Variants in CCDC192 observed in about 807,000 individuals in gnomAD.
CCDC192 encodes coiled-coil domain containing 192.
intron 1 of CCDC192, among the ~76,000 whole-genome samples, chr5:127,705,753 TAAG>T (rs1255183747): frequency 2.0e-5 from 3 of 152,012 alleles, no homozygotes; most frequent in Admixed American, 2.0e-4. Context: ...AGGAAACAAC[TAAG>T]AAGAGGATAA....
chr5:127,721,116 G>A (rs566457673), intron 2 of CCDC192, among the ~76,000 whole-genome samples: 3 of 152,162 alleles, frequency 2.0e-5, no homozygotes, highest in Non-Finnish European at 4.4e-5. Flanking sequence ...CCCGGAAAAC[G>A]GGTTTTTCTT....
chr5:127,906,891 T>C (rs576394721), intron 6 of CCDC192, among the ~76,000 whole-genome samples: 1 of 152,358 alleles, frequency 6.6e-6, no homozygotes, highest in South Asian at 2.1e-4. Flanking sequence ...TTGTTCTGTT[T>C]AATTTTTGAG....
chr5:127,859,814 C>G (rs1314252109), intron 5 of CCDC192, among the ~76,000 whole-genome samples: 3 of 152,166 alleles, frequency 2.0e-5, no homozygotes, highest in Admixed American at 2.0e-4. Context: ...TTTACTAAGT[C>G]TCTTGTCGGC....
At chr5:127,892,251 G>C (rs185908139) in intron 6 of CCDC192, among the ~76,000 whole-genome samples, 3 of 152,168 alleles carry the variant, frequency 2.0e-5, no homozygotes, top group African/African-American at 7.2e-5. Context: ...TAAAATTAGA[G>C]ACTAAACATC....
At chr5:127,793,268 A>G (rs1452279317) in intron 3 of CCDC192, among the ~76,000 whole-genome samples, 6 of 152,346 alleles carry the variant, frequency 3.9e-5, no homozygotes, top group Non-Finnish European at 7.3e-5. Flanking sequence ...TAAGCTGAAC[A>G]TGAGTTAAAT....
intron 5 of CCDC192, among the ~76,000 whole-genome samples, chr5:127,861,860 G>A (rs1295989421): frequency 6.6e-6 from 1 of 152,098 alleles, no homozygotes; most frequent in African/African-American, 2.4e-5. Context: ...GTTAGGAAAA[G>A]GACTTAGATT....
chr5:127,727,165 G>A (rs1752374527), intron 2 of CCDC192, among the ~76,000 whole-genome samples: 1 of 152,100 alleles, frequency 6.6e-6, no homozygotes, highest in African/African-American at 2.4e-5. Context: ...TACGGAAGAG[G>A]GGCCTGACTG....
chr5:127,847,319 C>A (rs1169058825), intron 5 of CCDC192, among the ~76,000 whole-genome samples: 4 of 152,200 alleles, frequency 2.6e-5, no homozygotes, highest in Non-Finnish European at 5.9e-5. Flanking sequence ...ATTAACTCAT[C>A]TTCCAAGAAG....
chr5:127,916,795 A>C (rs1159245401), intron 6 of CCDC192, among the ~76,000 whole-genome samples: 2 of 152,238 alleles, frequency 1.3e-5, no homozygotes, highest in African/African-American at 4.8e-5. Flanking sequence ...TCTAGAGCAC[A>C]GGGAGAGTAG....
chr5:127,886,659 T>C (rs1752570084), intron 6 of CCDC192, among the ~76,000 whole-genome samples: 1 of 152,236 alleles, frequency 6.6e-6, no homozygotes, highest in Non-Finnish European at 1.5e-5. Context: ...ACATAAAATT[T>C]GTGTTAACCA....
intron 1 of CCDC192, among the ~76,000 whole-genome samples, chr5:127,705,077 A>C (rs977156047): frequency 6.6e-6 from 1 of 152,222 alleles, no homozygotes; most frequent in African/African-American, 2.4e-5. Context: ...CCAGGTTTCC[A>C]GTGAACCCTG....
At chr5:127,710,173 G>A (rs1327905838) in intron 2 of CCDC192, among the ~76,000 whole-genome samples, 1 of 152,014 alleles carries the variant, frequency 6.6e-6, no homozygotes, top group Non-Finnish European at 1.5e-5. Context: ...TTAGCTGGAG[G>A]GAGTTGGGAT....
intron 5 of CCDC192, among the ~76,000 whole-genome samples, chr5:127,827,143 G>C (rs1303074767): frequency 6.6e-6 from 1 of 152,158 alleles, no homozygotes; most frequent in African/African-American, 2.4e-5. Context: ...CATTTGTAGG[G>C]CTGTCTGGGC....
chr5:127,736,631 T>C (rs963920934), intron 2 of CCDC192, among the ~76,000 whole-genome samples: 2 of 151,888 alleles, frequency 1.3e-5, no homozygotes, highest in African/African-American at 4.9e-5. Flanking sequence ...TATTCAGAGA[T>C]TCAGCTTCTT....
chr5:127,742,150 G>T (rs930928430), intron 2 of CCDC192, among the ~76,000 whole-genome samples: 8 of 152,072 alleles, frequency 5.3e-5, no homozygotes, highest in Non-Finnish European at 1.0e-4. Flanking sequence ...AATATTTTTT[G>T]AACTTAAATG....
At chr5:127,715,915 G>A (rs1751598885) in intron 2 of CCDC192, among the ~76,000 whole-genome samples, 1 of 152,094 alleles carries the variant, frequency 6.6e-6, no homozygotes, top group Non-Finnish European at 1.5e-5. Context: ...GTTTTGACTA[G>A]GGCTTCCAGT....
Position 127,893,645 on chromosome 5 carries a change from C to T in CCDC192, c.535+17984C>T, listed in dbSNP as rs60208573. On this transcript the variant is annotated intron_variant, in intron 6 of 6. Coordinates refer to ENST00000514853, the MANE Select transcript of CCDC192 (RefSeq NM_001317938.2). Reference sequence around the variant, plus strand: ...GCCAACTGGAACTTACTAACTTGTCCAGAACATCAACATGACAAAGGATAG... The same window carrying T: ...GCCAACTGGAACTTACTAACTTGTCTAGAACATCAACATGACAAAGGATAG... Among the ~76,000 whole-genome samples the T allele has an allele frequency of 2.6e-3, 395 of 152,308 alleles. 4 individuals are homozygous for T. Among genetic ancestry groups the T allele is most frequent in the African/African-American group, 9.1e-3 (380 of 41,574 alleles).
intron 3 of CCDC192, among the ~76,000 whole-genome samples, chr5:127,775,413 G>A (rs1026155718): frequency 2.0e-5 from 3 of 152,038 alleles, no homozygotes; most frequent in Non-Finnish European, 1.5e-5. Flanking sequence ...CCTTCTTAAG[G>A]AAACCACAAC....
At chr5:127,896,557 C>T (rs1752893941) in intron 6 of CCDC192, among the ~76,000 whole-genome samples, 2 of 152,106 alleles carry the variant, frequency 1.3e-5, no homozygotes, top group South Asian at 4.1e-4. Context: ...CTTCAGTCTC[C>T]TGAGCAGCTG....
Sources: gnomAD v4.1 joint callset for allele counts (sites outside exome capture counted in the v4.1 genomes callset) on GRCh38, gnomAD v4.1.1 for gene constraint, MANE v1.5 for transcripts, NCBI Gene and HGNC (gene_info 2026-07-23, HGNC 2026-07-21) for gene names.